The following GNB5 variants were observed in gnomAD, a reference collection of about 807,000 sequenced individuals.
GNB5 encodes G protein subunit beta 5.
Under a neutral mutation model 55.3 loss-of-function variants are expected in GNB5, and 37 were observed. The ratio of observed to expected loss-of-function variants is 0.67; its 90% confidence interval spans 0.51 to 0.88. The LOEUF is 0.88. GNB5 is among the 40% of genes least tolerant of loss of function. The pLI is 0.00. For missense variants in GNB5, 476 were observed against 515.3 expected, an observed-to-expected ratio of 0.92 and a Z score of 0.74; for synonymous variants, 219 against 198.5, an observed-to-expected ratio of 1.10 and a Z score of -0.87.
At chr15:52,189,011 A>G (rs1408444538) in intron 1 of GNB5, among the ~76,000 whole-genome samples, 2 of 152,234 alleles carry the variant, frequency 1.3e-5, no homozygotes, top group African/African-American at 4.8e-5. Context: ...GTTTGGTAAT[A>G]GGTTCAGCAT....
chr15:52,140,472 A>T (rs2033827511), intron 7 of GNB5, among the ~76,000 whole-genome samples: 1 of 152,186 alleles, frequency 6.6e-6, no homozygotes, highest in African/African-American at 2.4e-5. Context: ...GGAGCTCCCC[A>T]GTTCCCCCAC....
intron 10 of GNB5, among the ~76,000 whole-genome samples, chr15:52,126,373 C>A (rs1228661015): frequency 1.3e-5 from 2 of 152,018 alleles, no homozygotes; most frequent in Non-Finnish European, 2.9e-5. Flanking sequence ...TGGAAATATT[C>A]AAAAATGTAA....
intron 7 of GNB5, chr15:52,140,181 C>T (rs1351494869): frequency 4.7e-6 from 1 of 213,426 alleles, no homozygotes; most frequent in Non-Finnish European, 9.9e-6. Flanking sequence ...CTCCCCATCC[C>T]TCCTGACATC....
Position 52,152,844 on chromosome 15 carries a change from C to T in GNB5, c.375+1096G>A, listed in dbSNP as rs373787359. Among the ~76,000 whole-genome samples the T allele has an allele frequency of 2.6e-5, 4 of 151,628 alleles. No individual in the cohort carries two copies. In the East Asian group the frequency reaches 5.9e-4, roughly 22 times the overall value. On this transcript the variant is annotated intron_variant, in intron 4 of 12. Coordinates refer to ENST00000261837, the MANE Select transcript of GNB5 (RefSeq NM_016194.4). ...AAGACGAGGTCTCACCATTTGGTCTCGAACTCCTGGATTCAAGTGATCCTC... is the reference window on the plus strand; with the variant it reads ...AAGACGAGGTCTCACCATTTGGTCTTGAACTCCTGGATTCAAGTGATCCTC...
intron 4 of GNB5, among the ~76,000 whole-genome samples, chr15:52,152,902 G>A (rs1442579603): frequency 6.6e-6 from 1 of 152,218 alleles, no homozygotes; most frequent in African/African-American, 2.4e-5. Context: ...TAGGATTATA[G>A]GCATGAGCCA....
chr15:52,184,655 C>T lies in GNB5; in HGVS notation c.22G>A (p.Val8Ile), dbSNP rs41277710. The T allele has an allele frequency of 3.6e-3, 5,872 of 1,613,402 alleles. 14 individuals are homozygous for T. The highest frequency in any genetic ancestry group is 4.5e-3 in the Non-Finnish European group (5,352 of 1,179,546). Reference sequence around the variant, plus strand: ...TTGTCACATGAGCCAAATACATTAACGAGAAAGGTCTGATCACACATCTTT... The same window carrying T: ...TTGTCACATGAGCCAAATACATTAATGAGAAAGGTCTGATCACACATCTTT... MCDQTFLVNVFGSCDKCF... is the reference protein window; with the variant it reads MCDQTFLINVFGSCDKCF... Residue 8 changes from valine (V) to isoleucine (I), a missense_variant, in exon 2 of 13, where the codon GTT becomes ATT. Val to Ile is a conservative substitution (Grantham distance 29, BLOSUM62 3). Transcript: ENST00000261837.
chr15:52,173,195 G>A (rs2034586652), intron 3 of GNB5, among the ~76,000 whole-genome samples: 1 of 152,180 alleles, frequency 6.6e-6, no homozygotes, highest in African/African-American at 2.4e-5. Context: ...ATTTTAGAGA[G>A]TGATGAAGTG....
At position 52,169,796 on chromosome 15, in the gene GNB5, G is replaced by C. The variant is rs561771296; in HGVS notation, c.238+9972C>G. On this transcript the variant is annotated intron_variant, in intron 3 of 12. Coordinates refer to ENST00000261837, the MANE Select transcript of GNB5 (RefSeq NM_016194.4). ...GAGTGAAGGGACAAACTACAGAAGGGAGAAAATGTTTGTGATCTATCCATC... is the reference window on the plus strand; with the variant it reads ...GAGTGAAGGGACAAACTACAGAAGGCAGAAAATGTTTGTGATCTATCCATC... Among the ~76,000 whole-genome samples the C allele has an allele frequency of 1.1e-4, 16 of 152,088 alleles. No homozygotes were observed. In the East Asian group the frequency reaches 2.9e-3, roughly 28 times the overall value.
rs139390713 is a variant in GNB5 at position 52,165,409 on chromosome 15, A to T, written c.239-11333T>A. On this transcript the variant is annotated intron_variant, in intron 3 of 12. Transcript: ENST00000261837. Reference sequence around the variant, plus strand: ...AAGATCAACCCCAAGACACATAATCATCAGATTCTCCAAGACTGAAATGAA... The same window carrying T: ...AAGATCAACCCCAAGACACATAATCTTCAGATTCTCCAAGACTGAAATGAA... 1.6e-4 allele frequency among the ~76,000 whole-genome samples: 25 copies of T among 152,334 alleles called. No individual in the cohort carries two copies. In the East Asian group the frequency reaches 4.6e-3, roughly 28 times the overall value.
At chr15:52,176,654 G>T (rs1049738961) in intron 3 of GNB5, among the ~76,000 whole-genome samples, 2 of 152,188 alleles carry the variant, frequency 1.3e-5, no homozygotes, top group Non-Finnish European at 2.9e-5. Context: ...CAAGTGGCAC[G>T]CAAGGTAGGC....
intron 3 of GNB5, among the ~76,000 whole-genome samples, chr15:52,172,480 T>TA (rs2034572570): frequency 6.6e-6 from 1 of 151,962 alleles, no homozygotes; most frequent in Admixed American, 6.6e-5. Context: ...TTTCCCTTAT[T>TA]ATAAAAAGCA....
intron 6 of GNB5, among the ~76,000 whole-genome samples, chr15:52,142,589 C>G (rs1451107414): frequency 6.6e-6 from 1 of 151,784 alleles, no homozygotes; most frequent in African/African-American, 2.4e-5. Flanking sequence ...TGTATGACCC[C>G]TATTGGTCCT....
Position 52,124,940 on chromosome 15 carries a change from A to G in GNB5, c.1010-301T>C, listed in dbSNP as rs142134002. The stretch of plus-strand genomic sequence containing the variant: ...GGGGATTAAGGAGGGCACTGCAGAC[A>G]CAAGTAAATTATTTTTAGTCATTTG... On this transcript the variant is annotated intron_variant, in intron 11 of 12. Transcript: ENST00000261837. 4.0e-3 allele frequency: 868 copies of G among 216,642 alleles called. 9 individuals carry two copies. Among genetic ancestry groups the G allele is most frequent in the African/African-American group, 0.019 (814 of 43,994 alleles). 13.4% of individuals were successfully genotyped at this position (216,642 alleles called of 1,614,324 possible). A position where few individuals can be genotyped will look rare whatever the true frequency, so the allele number is the denominator to read the frequency against.
At chr15:52,125,692 G>C (rs1239831261) in intron 11 of GNB5, 2 of 340,214 alleles carry the variant, frequency 5.9e-6, no homozygotes, top group Admixed American at 4.5e-5. Flanking sequence ...GTGAATTTCT[G>C]ACACTTCATT....
chr15:52,148,671 C>A (rs767949771), intron 5 of GNB5, among the ~76,000 whole-genome samples: 3 of 152,222 alleles, frequency 2.0e-5, no homozygotes, highest in Non-Finnish European at 4.4e-5. Flanking sequence ...AATGTACATT[C>A]AAGTGCTGGT....
chr15:52,186,867 G>C (rs531217922), intron 1 of GNB5, among the ~76,000 whole-genome samples: 13 of 152,264 alleles, frequency 8.5e-5, no homozygotes, highest in African/African-American at 3.1e-4. Context: ...GGGGCAGTCA[G>C]CACAGTTCGA....
chr15:52,154,326 GT>G (rs1344133822), intron 3 of GNB5, among the ~76,000 whole-genome samples: 1 of 152,162 alleles, frequency 6.6e-6, no homozygotes, highest in Non-Finnish European at 1.5e-5. Context: ...TTTCAAAGCA[GT>G]TTTATCTATG....
Position 52,145,872 on chromosome 15 carries a change from A to G in GNB5, c.494+1587T>C, listed in dbSNP as rs138548438. ...AAAATTCTTTCTTCCTGATTATAAG[A>G]AGAAAAATCCCCATAGTCCCATCAT... On this transcript the variant is annotated intron_variant, in intron 6 of 12. Coordinates refer to ENST00000261837, the MANE Select transcript of GNB5 (RefSeq NM_016194.4). Among the ~76,000 whole-genome samples the G allele has an allele frequency of 4.7e-3, 719 of 152,198 alleles. 17 individuals are homozygous for G. The highest frequency in any genetic ancestry group is 0.025 in the East Asian group (128 of 5,186).
chr15:52,140,514 C>T (rs1827660187), intron 7 of GNB5, among the ~76,000 whole-genome samples: 1 of 152,164 alleles, frequency 6.6e-6, no homozygotes, highest in South Asian at 2.1e-4. Flanking sequence ...CATGAAGGTC[C>T]CTGAGGGCCA....
Sources: allele counts gnomAD v4.1 joint callset (sites outside exome capture counted in the v4.1 genomes callset), GRCh38; gene constraint gnomAD v4.1.1; transcripts MANE v1.5; gene names NCBI Gene and HGNC (gene_info 2026-07-23, HGNC 2026-07-21).